STAU2: variants seen among roughly 807,000 people sequenced by gnomAD.
STAU2 encodes the protein double-stranded RNA-binding protein Staufen homolog 2.
In STAU2, 20 loss-of-function variants were observed where a neutral mutation model predicts 65.9. The observed-to-expected ratio is 0.30, with a 90% CI of 0.21 to 0.44. STAU2 has a LOEUF of 0.44. STAU2 is among the 20% of genes least tolerant of loss of function. The pLI is 1.00. For missense variants in STAU2, 558 were observed against 683.9 expected, an observed-to-expected ratio of 0.82 and a Z score of 2.05; for synonymous variants, 232 against 233.9, an observed-to-expected ratio of 0.99 and a Z score of 0.07.
intron 13 of STAU2, chr8:73,549,752 T>A: frequency 1.0e-6 from 1 of 985,796 alleles, no homozygotes; most frequent in Non-Finnish European, 1.2e-6. Context: ...ATCTGTTCAG[T>A]GTGCAATAAA....
chr8:73,435,658 A>G (rs576100027), intron 13 of STAU2, among the ~76,000 whole-genome samples: 2 of 151,840 alleles, frequency 1.3e-5, no homozygotes, highest in South Asian at 2.1e-4. Context: ...CCCATAATTT[A>G]CCTCCAAGGA....
At chr8:73,651,809 C>G (rs1246804159) in intron 6 of STAU2, among the ~76,000 whole-genome samples, 1 of 152,258 alleles carries the variant, frequency 6.6e-6, no homozygotes, top group African/African-American at 2.4e-5. Context: ...GCCTCTGACT[C>G]CAGGCCTCCC....
chr8:73,721,840 T>C (rs916146293), intron 3 of STAU2, among the ~76,000 whole-genome samples: 12 of 152,198 alleles, frequency 7.9e-5, no homozygotes, highest in African/African-American at 2.4e-4. Context: ...TGCTTTTATA[T>C]CCAATCTGAC....
intron 6 of STAU2, among the ~76,000 whole-genome samples, chr8:73,658,848 G>A (rs1278228272): frequency 1.3e-5 from 2 of 151,816 alleles, no homozygotes; most frequent in East Asian, 3.9e-4. Flanking sequence ...GGGAGGCGGA[G>A]GTTGCAGTGA....
chr8:73,730,316 C>T (rs900245847), intron 3 of STAU2, among the ~76,000 whole-genome samples: 2 of 152,154 alleles, frequency 1.3e-5, no homozygotes, highest in African/African-American at 2.4e-5. Context: ...TGATTACTAA[C>T]TTCATTCCAC....
chr8:73,706,411 C>T (rs1820507120), intron 4 of STAU2, among the ~76,000 whole-genome samples: 1 of 151,430 alleles, frequency 6.6e-6, no homozygotes, highest in African/African-American at 2.4e-5. Flanking sequence ...GTCACCATGC[C>T]CAGCCCCAAG....
rs779503584 is a variant in STAU2, at chr8:73,613,765, T to C, written c.870A>G (p.Lys290=). 24 of 1,611,158 alleles carry C rather than the reference T, an allele frequency of 1.5e-5. No individual in the cohort carries two copies. The highest frequency in any genetic ancestry group is 2.0e-5 in the Non-Finnish European group (24 of 1,179,424). ...TTACCTTTACTATTGTTTTAGGGCG[T>C]TTTTTAAAAAATAGTTTTGGCTTTT... The part of the protein sequence containing the change: ...VVEKPKLFFK[K]RPKTIVKAGP... Residue 290 remains lysine, a synonymous_variant, in exon 9 of 15, where the codon AAA becomes AAG. Transcript: ENST00000524300.
chr8:73,746,537 C>G (rs1807298608), intron 1 of STAU2, among the ~76,000 whole-genome samples: 1 of 151,698 alleles, frequency 6.6e-6, no homozygotes, highest in African/African-American at 2.4e-5. Flanking sequence ...CTCCACCACA[C>G]ACGCACCCCC....
At position 73,489,286 on chromosome 8, in the gene STAU2, T is replaced by G. The variant is rs1275975177; in HGVS notation, c.1530+62726A>C. 2.0e-5 allele frequency among the ~76,000 whole-genome samples: 3 copies of G among 152,124 alleles called. No individual in the cohort carries two copies. The East Asian group carries it at 5.8e-4, about 30-fold the overall frequency. ...TAATTGCATTACTGAAAAGAGACTA[T>G]AAGGCAATAAGCTTATTTTCCCTCA... is the stretch of plus-strand genomic sequence containing the variant. On this transcript the variant is annotated intron_variant, in intron 13 of 14. Transcript: ENST00000524300.
intron 13 of STAU2, among the ~76,000 whole-genome samples, chr8:73,433,781 G>T (rs950239662): frequency 2.0e-5 from 3 of 151,892 alleles, no homozygotes; most frequent in Non-Finnish European, 4.4e-5. Flanking sequence ...GGGATTACAG[G>T]CGTGAGCCAC....
At chr8:73,545,302 T>C (rs1055336345) in intron 13 of STAU2, among the ~76,000 whole-genome samples, 1 of 152,136 alleles carries the variant, frequency 6.6e-6, no homozygotes, top group African/African-American at 2.4e-5. Context: ...CTGTCTGTTG[T>C]CCAGGTTGTA....
At chr8:73,552,568 T>C (rs1041465637) in intron 12 of STAU2, among the ~76,000 whole-genome samples, 1 of 152,142 alleles carries the variant, frequency 6.6e-6, no homozygotes, top group Non-Finnish European at 1.5e-5. Context: ...GACTTATGTG[T>C]AGTAGTGAAG....
In STAU2 at chr8:73,720,794, G is replaced by A. The variant is rs1319227821; in HGVS notation, c.-17-11632C>T. ...CCCAAAGTGCTGGGATTACAGGCGT[G>A]AGCCACCGCGCCCGGCCTAGTTTAA... On this transcript the variant is annotated intron_variant, in intron 3 of 14. Coordinates refer to ENST00000524300, the MANE Select transcript of STAU2 (RefSeq NM_001164380.2). Among the ~76,000 whole-genome samples, 15 of 79,622 alleles carry A rather than the reference G, an allele frequency of 1.9e-4. 6 individuals carry two copies. The highest frequency in any genetic ancestry group is 8.8e-4 in the African/African-American group (15 of 17,070). 52.2% of individuals were successfully genotyped at this position (79,622 alleles called of 152,430 possible). A position where few individuals can be genotyped will look rare whatever the true frequency, so the allele number is the denominator to read the frequency against.
rs1352377279 is a variant in STAU2, at chr8:73,460,822, T to C, written c.1531-38120A>G. On this transcript the variant is annotated intron_variant, in intron 13 of 14. Transcript: ENST00000524300. ...GAGCTCTAAGATTGTCCTAACATTA[T>C]CTTATGGTAGGTTGGTCACATCCTT... Among the ~76,000 whole-genome samples the C allele has an allele frequency of 2.0e-5, 3 of 152,330 alleles. No homozygotes were observed. In the East Asian group the frequency reaches 5.8e-4, roughly 29 times the overall value.
intron 13 of STAU2, among the ~76,000 whole-genome samples, chr8:73,466,824 C>T (rs947409240): frequency 2.6e-5 from 4 of 152,200 alleles, no homozygotes; most frequent in Non-Finnish European, 5.9e-5. Flanking sequence ...GGGTGCCGGG[C>T]GCTTTGCTAG....
intron 3 of STAU2, among the ~76,000 whole-genome samples, chr8:73,724,037 C>G (rs1319762492): frequency 6.6e-6 from 1 of 152,190 alleles, no homozygotes; most frequent in East Asian, 1.9e-4. Flanking sequence ...TCCAGAGCAG[C>G]AACATCTTCT....
chr8:73,572,207 T>G (rs771224829), intron 12 of STAU2, among the ~76,000 whole-genome samples: 3 of 152,148 alleles, frequency 2.0e-5, no homozygotes, highest in African/African-American at 7.2e-5. Flanking sequence ...CAGGAAGAAC[T>G]TGAATCCCTG....
intron 13 of STAU2, chr8:73,511,557 A>T (rs1822405072): frequency 6.5e-6 from 1 of 152,736 alleles, no homozygotes; most frequent in African/African-American, 2.4e-5. Flanking sequence ...GCACAACACC[A>T]TGGGAGAACT....
chr8:73,649,869 T>TTATATATATATATATATATATA (rs55814743), intron 6 of STAU2, among the ~76,000 whole-genome samples: 1 of 71,654 alleles, frequency 1.4e-5, no homozygotes. Context: ...CTATATAATT[T>TTATATATATATATATATATATA]TATATATATA....
Sources: allele counts gnomAD v4.1 joint callset (sites outside exome capture counted in the v4.1 genomes callset), GRCh38; gene constraint gnomAD v4.1.1; transcripts MANE v1.5; gene names NCBI Gene and HGNC (gene_info 2026-07-23, HGNC 2026-07-21).